The following FUT8 variants were observed in gnomAD, a reference collection of about 807,000 sequenced individuals.
FUT8 encodes fucosyltransferase 8, also known as alpha-(1,6)-fucosyltransferase.
FUT8 carries 29 observed loss-of-function variants against 71.3 expected under a neutral mutation model. That is an observed-to-expected ratio of 0.41 (90% confidence interval 0.30 to 0.55). FUT8 has a LOEUF of 0.55. Among genes scored for constraint, FUT8 ranks in the 20% least tolerant of loss-of-function variants. The probability of loss-of-function intolerance (pLI) is 0.34; values close to 1 mark genes in which losing one functional copy is unlikely to be tolerated. For missense variants in FUT8, 544 were observed against 702.1 expected, an observed-to-expected ratio of 0.77 and a Z score of 2.55; for synonymous variants, 254 against 239.3, an observed-to-expected ratio of 1.06 and a Z score of -0.57.
At chr14:65,452,959 T>G (rs1470968214) in intron 1 of FUT8, among the ~76,000 whole-genome samples, 2 of 152,200 alleles carry the variant, frequency 1.3e-5, no homozygotes, top group African/African-American at 2.4e-5. Flanking sequence ...GTCTCCTAAT[T>G]CTATCAACCC....
At position 65,669,563 on chromosome 14, in the gene FUT8, G is replaced by A. The variant is rs1024451368; in HGVS notation, c.835+83G>A. Reference sequence around the variant, plus strand: ...ATTAGATTTCTAGGTAGACCTTCATGGAACATACTTATCTTTTCCTCTGGA... The same window carrying A: ...ATTAGATTTCTAGGTAGACCTTCATAGAACATACTTATCTTTTCCTCTGGA... On this transcript the variant is annotated intron_variant, in intron 7 of 10. Coordinates refer to ENST00000673929, the MANE Select transcript of FUT8 (RefSeq NM_001371533.1). This position sits in a 1 kb window ranked among gnomAD's most constrained non-coding sequence, Gnocchi z 4.5. The A allele has an allele frequency of 4.2e-5, 37 of 886,796 alleles. No homozygotes were observed. Among genetic ancestry groups the A allele is most frequent in the Non-Finnish European group, 6.4e-5 (35 of 543,486 alleles). The allele number at this position is 886,796 out of a possible 1,614,324, so 54.9% of individuals were successfully genotyped here.
At chr14:65,685,211 A>G (rs962166115) in intron 7 of FUT8, among the ~76,000 whole-genome samples, 1 of 152,210 alleles carries the variant, frequency 6.6e-6, no homozygotes, top group Non-Finnish European at 1.5e-5. Flanking sequence ...ATGAGACAGC[A>G]TATTTTTGCA....
intron 2 of FUT8, among the ~76,000 whole-genome samples, chr14:65,479,491 T>G (rs2139673197): frequency 6.6e-6 from 1 of 152,292 alleles, no homozygotes; most frequent in South Asian, 2.1e-4. Context: ...TCTCTTTGAT[T>G]ATGAGTGAGA....
At chr14:65,703,090 A>T (rs1894389991) in intron 7 of FUT8, among the ~76,000 whole-genome samples, 1 of 152,250 alleles carries the variant, frequency 6.6e-6, no homozygotes, top group Non-Finnish European at 1.5e-5. Flanking sequence ...GAAGTGGCAG[A>T]AGTCTTCCTT....
chr14:65,425,309 G>T (rs976692564), intron 1 of FUT8, among the ~76,000 whole-genome samples: 3 of 151,884 alleles, frequency 2.0e-5, no homozygotes, highest in African/African-American at 7.3e-5. Context: ...GGGATTAAAG[G>T]CATGCACCAC....
intron 2 of FUT8, among the ~76,000 whole-genome samples, chr14:65,545,575 A>G (rs1433768641): frequency 6.6e-6 from 1 of 151,812 alleles, no homozygotes; most frequent in African/African-American, 2.4e-5. Context: ...TAAATTTTTC[A>G]GTTTATTCTA....
chr14:65,381,674 T>A, the FUT8 span, among the ~76,000 whole-genome samples: 1 of 152,188 alleles, frequency 6.6e-6, no homozygotes, highest in African/African-American at 2.4e-5. Context: ...AAAGCTTATC[T>A]TTTTGGTATT....
intron 1 of FUT8, among the ~76,000 whole-genome samples, chr14:65,447,654 G>A (rs2065763308): frequency 6.6e-6 from 1 of 151,954 alleles, no homozygotes; most frequent in African/African-American, 2.4e-5. Flanking sequence ...TTAGTAGCAA[G>A]TGGTAAGTTC....
chr14:65,681,141 G>C (rs1362276413), intron 7 of FUT8, among the ~76,000 whole-genome samples: 1 of 152,088 alleles, frequency 6.6e-6, no homozygotes, highest in African/African-American at 2.4e-5. Context: ...AGTATACTGT[G>C]AGTTCTTTAA....
chr14:65,420,305 T>A (rs183944565), intron 1 of FUT8, among the ~76,000 whole-genome samples: 1 of 152,072 alleles, frequency 6.6e-6, no homozygotes, highest in African/African-American at 2.4e-5. Flanking sequence ...ATTTTAGAGA[T>A]GAGGTCTTGC....
Position 65,603,406 on chromosome 14 carries a change from A to T in FUT8, c.204-12572A>T, listed in dbSNP as rs1888410459. Among the ~76,000 whole-genome samples, 1 of 151,518 alleles carries T rather than the reference A, an allele frequency of 6.6e-6. No homozygotes were observed. The highest frequency in any genetic ancestry group is 2.1e-4 in the South Asian group (1 of 4,752). On this transcript the variant is annotated intron_variant, in intron 3 of 10. Coordinates refer to ENST00000673929, the MANE Select transcript of FUT8 (RefSeq NM_001371533.1). This position sits in a 1 kb window ranked among gnomAD's most constrained non-coding sequence, Gnocchi z 4.5. Reference sequence around the variant, plus strand: ...CGTATAGTATGGTTTGAAATCAGGTAGTGTGATGCCTCCAGATTTGTTCTT... The same window carrying T: ...CGTATAGTATGGTTTGAAATCAGGTTGTGTGATGCCTCCAGATTTGTTCTT...
At chr14:65,663,612 G>A (rs538967398) in intron 6 of FUT8, among the ~76,000 whole-genome samples, 3 of 152,058 alleles carry the variant, frequency 2.0e-5, no homozygotes, top group Admixed American at 1.3e-4. Flanking sequence ...CACCCTTCAA[G>A]TCTTCCATTG....
chr14:65,729,142 C>T (rs918917614), intron 9 of FUT8, among the ~76,000 whole-genome samples: 2 of 147,784 alleles, frequency 1.4e-5, no homozygotes, highest in Non-Finnish European at 3.0e-5. Flanking sequence ...CCTCCTTCCT[C>T]AGCTTCCTGA....
At chr14:65,742,069 A>T in intron 10 of FUT8, 24 bp from the exon 11 acceptor site, 2 of 1,595,998 alleles carry the variant, frequency 1.3e-6, no homozygotes, top group Non-Finnish European at 1.7e-6. Context: ...TATACTAACA[A>T]TTTCTTTTAA....
At chr14:65,668,174 A>T (rs962769528) in intron 6 of FUT8, among the ~76,000 whole-genome samples, 41 of 152,218 alleles carry the variant, frequency 2.7e-4, no homozygotes, top group African/African-American at 9.6e-4. Context: ...CAAAGATTGC[A>T]TGATGAAGAC....
At chr14:65,642,732 C>T (rs991863066) in intron 6 of FUT8, among the ~76,000 whole-genome samples, 7 of 151,462 alleles carry the variant, frequency 4.6e-5, no homozygotes, top group Non-Finnish European at 8.8e-5. Context: ...TGTGATTTAT[C>T]GTTCTTTTTT....
intron 1 of FUT8, among the ~76,000 whole-genome samples, chr14:65,427,553 A>G (rs1411349904): frequency 6.6e-6 from 1 of 152,136 alleles, no homozygotes; most frequent in Non-Finnish European, 1.5e-5. Context: ...TCATATACCA[A>G]TTGGCCATTT....
the FUT8 span, among the ~76,000 whole-genome samples, chr14:65,366,291 G>T: frequency 2.6e-5 from 4 of 152,190 alleles, no homozygotes; most frequent in Non-Finnish European, 5.9e-5. Flanking sequence ...AGTGAATGAG[G>T]CAGGGAAGTT....
intron 8 of FUT8, among the ~76,000 whole-genome samples, chr14:65,722,543 C>G (rs965950569): frequency 1.3e-5 from 2 of 152,176 alleles, no homozygotes; most frequent in African/African-American, 4.8e-5. Context: ...TGACCCCATT[C>G]TAAGTGTTAG....
Sources: allele counts gnomAD v4.1 joint callset (sites outside exome capture counted in the v4.1 genomes callset), GRCh38; gene constraint gnomAD v4.1.1; non-coding constraint Gnocchi (gnomAD v3.1); transcripts MANE v1.5; gene names NCBI Gene and HGNC (gene_info 2026-07-23, HGNC 2026-07-21).